TMEM210: variants seen among roughly 807,000 people sequenced by gnomAD.
TMEM210 encodes the protein transmembrane protein 210.
A neutral mutation model predicts 10.3 loss-of-function variants in TMEM210; 7 were observed. That is an observed-to-expected ratio of 0.68 (90% CI 0.39 to 1.28). The LOEUF is 1.28. Ranked by LOEUF, TMEM210 falls within the 50% of genes most tolerant of loss-of-function variation. The pLI, the probability that TMEM210 is intolerant of heterozygous loss-of-function variation, is 0.01. For missense variants in TMEM210, 185 were observed against 197.8 expected (o/e 0.94, Z 0.39); for synonymous variants, 79 against 81.2 (o/e 0.97, Z 0.14).
Position 137,171,728 on chromosome 9 carries a change from A to G in TMEM210, c.137T>C (p.Ile46Thr), listed in dbSNP as rs1834112879. ...CSLGLSREAL[I>T]ALLVVLAGIS... ...GCCCGCCAGCACCACAAGGAGGGCG[A>G]TGAGGGCCTCGCGGCTGAGGCCAAG... Residue 46 changes from isoleucine to threonine, a missense_variant, in exon 2 of 4, where the codon ATC (isoleucine) becomes ACC (threonine). Transcript: ENST00000413619. 6.5e-7 allele frequency: 1 copy of G among 1,535,460 alleles called. No homozygotes were observed.
At position 137,171,755 on chromosome 9, in the gene TMEM210, C is replaced by A; in HGVS notation, c.110G>T (p.Ser37Ile). 6.5e-7 allele frequency: 1 copy of A among 1,533,970 alleles called. No individual in the cohort carries two copies. ...PAAAGTYCEC[S>I]LGLSREALIA... is the part of the protein sequence containing the mutation. The stretch of plus-strand genomic sequence containing the variant: ...GAGGGCCTCGCGGCTGAGGCCAAGG[C>A]TGCATTCACAGTAGGTTCCAGCTGC... The change falls in exon 2 of 4, where the codon AGC (serine) becomes ATC (isoleucine). Residue 37 changes from serine to isoleucine, a missense_variant. Coordinates refer to ENST00000413619, the MANE Select transcript of TMEM210 (RefSeq NM_001282477.2).
Position 137,170,937 on chromosome 9 carries a change from T to C in TMEM210, c.*38A>G, listed in dbSNP as rs1009923527. 3 of 1,514,490 alleles carry C rather than the reference T, an allele frequency of 2.0e-6. No individual in the cohort carries two copies. Among genetic ancestry groups the C allele is most frequent in the Non-Finnish European group, 1.8e-6 (2 of 1,134,218 alleles). 93.8% of individuals were successfully genotyped at this position (1,514,490 alleles called of 1,614,324 possible). A position where few individuals can be genotyped will look rare whatever the true frequency, so the allele number is the denominator to read the frequency against. ...GGGAGGACAGTGCACAGCCACTAAA[T>C]ACGCTTTAATTCCCCTCCCCCAGCT... On this transcript the variant is annotated 3_prime_UTR_variant, in exon 4 of 4. Coordinates refer to ENST00000413619, the MANE Select transcript of TMEM210 (RefSeq NM_001282477.2).
At chr9:137,171,606 A>C in intron 2 of TMEM210, 35 bp downstream of exon 2, 1 of 1,525,874 alleles carries the variant, frequency 6.6e-7, no homozygotes, top group Middle Eastern at 1.7e-4. Context: ...GCCTGGCCTC[A>C]CTCCCATCCT....
chr9:137,170,896 C>T lies in TMEM210; in HGVS notation c.*79G>A. On this transcript the variant is annotated 3_prime_UTR_variant, in exon 4 of 4. Transcript: ENST00000413619. ...CTTTAATTCCCCTCCCCCAGCTGCC[C>T]TCAGGAGGGCCTGCAGGGAGGACAG... 1.4e-6 allele frequency: 2 copies of T among 1,426,562 alleles called. No homozygotes were observed. The highest frequency in any genetic ancestry group is 1.9e-6 in the Non-Finnish European group (2 of 1,076,816). The allele number at this position is 1,426,562 out of a possible 1,614,324, so 88.4% of individuals were successfully genotyped here.
chr9:137,170,916 G>C lies in TMEM210; in HGVS notation c.*59C>G. ...CTGCCCTCAGGAGGGCCTGCAGGGA[G>C]GACAGTGCACAGCCACTAAATACGC... On this transcript the variant is annotated 3_prime_UTR_variant, in exon 4 of 4. Transcript: ENST00000413619. The C allele has an allele frequency of 6.8e-7, 1 of 1,479,544 alleles. No individual in the cohort carries two copies. Among genetic ancestry groups the C allele is most frequent in the South Asian group, 1.3e-5 (1 of 77,716 alleles). 91.7% of individuals were successfully genotyped at this position (1,479,544 alleles called of 1,614,324 possible).
intron 1 of TMEM210, 78 bp downstream of exon 1, chr9:137,171,862 A>G: frequency 1.4e-6 from 2 of 1,443,404 alleles, no homozygotes; most frequent in South Asian, 2.9e-5. Context: ...TAGCCACCAG[A>G]AGGACACCAG....
intron 2 of TMEM210, 93 bp from the exon 3 acceptor site, chr9:137,171,536 G>C (rs778907569): frequency 3.9e-6 from 6 of 1,533,846 alleles, no homozygotes; most frequent in Non-Finnish European, 5.2e-6. Context: ...TCCTACCCCA[G>C]GTGACAGCCC....
At position 137,171,165 on chromosome 9, in the gene TMEM210, C is replaced by G; in HGVS notation, c.255-1G>C. The G allele has an allele frequency of 6.5e-7, 1 of 1,534,432 alleles. No homozygotes were observed. On this transcript the variant is annotated splice_acceptor_variant, in intron 3 of 3. Transcript: ENST00000413619. LOFTEE classifies it high-confidence loss of function. ...CTGGACCCCAAAATTCTCCACCAAC[C>G]TGCATGACGGGCCGGGTCATCACGA... is the stretch of plus-strand genomic sequence containing the variant.
Position 137,171,040 on chromosome 9 carries a change from C to G in TMEM210, c.379G>C (p.Val127Leu). The G allele has an allele frequency of 6.5e-7, 1 of 1,535,308 alleles. No individual in the cohort carries two copies. Among genetic ancestry groups the G allele is most frequent in the African/African-American group, 1.4e-5 (1 of 73,082 alleles). ...GAAGAAGCCTCCATGGGGATGGCCA[C>G]AAGGCTCTGATCCTCTAGTGGTGGC... ...LVPPLEDQSL[V>L]AIPMEASSEE... is the part of the protein sequence containing the mutation. The change falls in exon 4 of 4, where the codon GTG becomes CTG. Residue 127 changes from valine to leucine, a missense_variant. Coordinates refer to ENST00000413619, the MANE Select transcript of TMEM210 (RefSeq NM_001282477.2).
In TMEM210 at chr9:137,171,726, C is replaced by A. The variant is rs1180578604; in HGVS notation, c.139G>T (p.Ala47Ser). ...SLGLSREALI[A>S]LLVVLAGISA... ...ATGCCCGCCAGCACCACAAGGAGGGCGATGAGGGCCTCGCGGCTGAGGCCA... is the reference window on the plus strand; with the variant it reads ...ATGCCCGCCAGCACCACAAGGAGGGAGATGAGGGCCTCGCGGCTGAGGCCA... The change falls in exon 2 of 4, where the codon GCC becomes TCC. Residue 47 changes from alanine to serine, a missense_variant. Coordinates refer to ENST00000413619, the MANE Select transcript of TMEM210 (RefSeq NM_001282477.2). 6.5e-7 allele frequency: 1 copy of A among 1,535,450 alleles called. No homozygotes were observed. The highest frequency in any genetic ancestry group is 2.0e-5 in the Admixed American group (1 of 50,972).
chr9:137,170,908 T>C lies in TMEM210; in HGVS notation c.*67A>G. ...TCCCCCAGCTGCCCTCAGGAGGGCC[T>C]GCAGGGAGGACAGTGCACAGCCACT... On this transcript the variant is annotated 3_prime_UTR_variant, in exon 4 of 4. Coordinates refer to ENST00000413619, the MANE Select transcript of TMEM210 (RefSeq NM_001282477.2). 1 of 1,448,630 alleles carries C rather than the reference T, an allele frequency of 6.9e-7. No individual in the cohort carries two copies. 89.7% of individuals were successfully genotyped at this position (1,448,630 alleles called of 1,614,324 possible). A position where few individuals can be genotyped will look rare whatever the true frequency, so the allele number is the denominator to read the frequency against.
At position 137,171,410 on chromosome 9, in the gene TMEM210, T is replaced by C. The variant is rs1390632920; in HGVS notation, c.254+4A>G. 1.3e-6 allele frequency: 2 copies of C among 1,535,466 alleles called. No homozygotes were observed. The highest frequency in any genetic ancestry group is 3.9e-5 in the Admixed American group (2 of 50,986). On this transcript the variant is annotated splice_donor_region_variant and intron_variant, in intron 3 of 3. Coordinates refer to ENST00000413619, the MANE Select transcript of TMEM210 (RefSeq NM_001282477.2). ...CCTCCCTCGAGGGCCTCCCTGGTGC[T>C]CACCTGTTGTCCACTTGTCTCGGGC...
chr9:137,171,009 T>C lies in TMEM210; in HGVS notation c.410A>G (p.Glu137Gly). Reference sequence around the variant, plus strand: ...TGGTAGGGGCGGGGGTGGTGGCGGCTCCTCTGAAGAAGCCTCCATGGGGAT... The same window carrying C: ...TGGTAGGGGCGGGGGTGGTGGCGGCCCCTCTGAAGAAGCCTCCATGGGGAT... ...VAIPMEASSE[E>G]PPPPPPLPPE Residue 137 changes from glutamate to glycine, a missense_variant, in exon 4 of 4, where the codon GAG becomes GGG. Physicochemically the swap from Glu to Gly is moderately conservative, Grantham distance 98. Transcript: ENST00000413619. 6.5e-7 allele frequency: 1 copy of C among 1,534,830 alleles called. No individual in the cohort carries two copies. Among genetic ancestry groups the C allele is most frequent in the Non-Finnish European group, 8.7e-7 (1 of 1,146,358 alleles).
intron 3 of TMEM210, 105 bp from the exon 4 acceptor site, chr9:137,171,269 GCA>G: frequency 1.4e-6 from 2 of 1,472,532 alleles, no homozygotes; most frequent in Non-Finnish European, 1.8e-6. Context: ...CCTTGGGACA[GCA>G]CACCTCCTCT....
chr9:137,171,098 C>G lies in TMEM210; in HGVS notation c.321G>C (p.Gln107His). ...AGACCTCCAGGTCAGCGTCCATTAG[C>G]TGGGACTCCACGTAAACCGGGTGCA... is the stretch of plus-strand genomic sequence containing the variant. ...MDLHPVYVES[Q>H]LMDADLEVSL... The change falls in exon 4 of 4, where the codon CAG (glutamine) becomes CAC (histidine). Residue 107 changes from glutamine (Q) to histidine (H), a missense_variant. By Grantham distance (24) the Gln-to-His change is conservative. Transcript: ENST00000413619. 6.5e-7 allele frequency: 1 copy of G among 1,535,442 alleles called. No homozygotes were observed. Among genetic ancestry groups the G allele is most frequent in the South Asian group, 1.2e-5 (1 of 84,058 alleles).
chr9:137,171,611 C>T (rs781127225), intron 2 of TMEM210, 30 bp downstream of exon 2: 14 of 1,529,012 alleles, frequency 9.2e-6, no homozygotes, highest in Non-Finnish European at 1.1e-5. Flanking sequence ...GCCTCACTCC[C>T]ATCCTCTCCC....
chr9:137,171,296 C>A (rs528766222), intron 3 of TMEM210, 118 bp downstream of exon 3: 2 of 1,489,912 alleles, frequency 1.3e-6, no homozygotes, highest in Non-Finnish European at 1.8e-6. Context: ...GGGACAGCAC[C>A]CCTCCTCCTC....
intron 3 of TMEM210, 104 bp downstream of exon 3, chr9:137,171,310 G>A (rs1834102390): frequency 6.6e-7 from 1 of 1,511,692 alleles, no homozygotes; most frequent in Non-Finnish European, 8.9e-7. Flanking sequence ...CCTCCTCCAG[G>A]GACAGCACCC....
In TMEM210 at chr9:137,171,170, T is replaced by A. The variant is rs2131323448; in HGVS notation, c.255-6A>T. The A allele has an allele frequency of 6.5e-7, 1 of 1,534,048 alleles. No homozygotes were observed. Among genetic ancestry groups the A allele is most frequent in the South Asian group, 1.2e-5 (1 of 83,948 alleles). On this transcript the variant is annotated splice_region_variant and splice_polypyrimidine_tract_variant and intron_variant, in intron 3 of 3. Transcript: ENST00000413619. ...CCCCAAAATTCTCCACCAACCTGCA[T>A]GACGGGCCGGGTCATCACGAGCTGG...
Sources: allele counts gnomAD v4.1 joint callset, GRCh38; gene constraint gnomAD v4.1.1; transcripts MANE v1.5; gene names NCBI Gene and HGNC (gene_info 2026-07-23, HGNC 2026-07-21).